The following TTN variants were observed in gnomAD, a reference collection of about 807,000 sequenced individuals.
TTN encodes titin.
Under a neutral mutation model 3,223.0 loss-of-function variants are expected in TTN, and 1,525 were observed. The ratio of observed to expected loss-of-function variants is 0.47; its 90% confidence interval spans 0.45 to 0.49. The LOEUF is 0.49. TTN is among the 20% of genes least tolerant of loss of function. The pLI, the probability that TTN is intolerant of heterozygous loss-of-function variation, is 0.00. For missense variants in TTN, 40,786 were observed against 43,424.0 expected (o/e 0.94, Z 5.40); for synonymous variants, 14,094 against 15,161.0 (o/e 0.93, Z 5.17).
Position 178,576,737 on chromosome 2 carries a change from G to C in TTN, c.69507C>G (p.Ser23169Arg). 6.2e-7 allele frequency: 1 copy of C among 1,613,344 alleles called. No homozygotes were observed. Among genetic ancestry groups the C allele is most frequent in the Non-Finnish European group, 8.5e-7 (1 of 1,179,584 alleles). The change falls in exon 325 of 363, where the codon AGC (serine) becomes AGG (arginine). Residue 23169 changes from serine (S) to arginine (R), a missense_variant. Coordinates refer to ENST00000589042, the MANE Select transcript of TTN (RefSeq NM_001267550.2). This position sits in a 1 kb window ranked among gnomAD's most constrained non-coding sequence, Gnocchi z 4.3. ...SWKRPVDDGG[S>R]EITGYHVERR... The stretch of plus-strand genomic sequence containing the variant: ...TTTCTACATGATATCCTGTAATTTC[G>C]CTGCCACCATCATCCACTGGCCTTT...
In TTN at chr2:178,733,415, T is replaced by G; in HGVS notation, c.15878A>C (p.Lys5293Thr). The G allele has an allele frequency of 6.2e-7, 1 of 1,613,830 alleles. No homozygotes were observed. The highest frequency in any genetic ancestry group is 8.5e-7 in the Non-Finnish European group (1 of 1,179,782). ...TVAGTPELKP[K>T]WYKDGRPLVA... is the part of the protein sequence containing the mutation. ...CAAGGGTCTCCCATCTTTGTACCAT[T>G]TGGGCTTCAGTTCTGGCGTGCCTGC... is the stretch of plus-strand genomic sequence containing the variant. The change falls in exon 54 of 363, where the codon AAA (lysine) becomes ACA (threonine). Residue 5293 changes from lysine (K) to threonine (T), a missense_variant. Coordinates refer to ENST00000589042, the MANE Select transcript of TTN (RefSeq NM_001267550.2).
rs72646857 is a variant in TTN, at chr2:178,587,179, G to A, written c.64032C>T (p.Asn21344=). 7.0e-3 allele frequency: 11,350 copies of A among 1,613,278 alleles called. 111 individuals are homozygous for A. Among genetic ancestry groups the A allele is most frequent in the East Asian group, 0.028 (1,261 of 44,798 alleles). Residue 21344 remains asparagine (N), a synonymous_variant, in exon 307 of 363, where the codon AAC becomes AAT. Transcript: ENST00000589042. The part of the protein sequence containing the change: ...NEYYFRVTAV[N]EYGPGVPTDV... ...CTGTTGGGACGCCAGGGCCATATTC[G>A]TTGACAGCAGTTACTCTGAAGTAAT...
At chr2:178,673,094 A>G (rs2154265697) in intron 152 of TTN, among the ~76,000 whole-genome samples, 1 of 151,938 alleles carries the variant, frequency 6.6e-6, no homozygotes, top group Admixed American at 6.6e-5. Flanking sequence ...GTCTACTATG[A>G]CAGGGACAGC....
Position 178,629,426 on chromosome 2 carries a change from G to C in TTN, c.44299C>G (p.Leu14767Val). Residue 14767 changes from leucine to valine, a missense_variant, in exon 240 of 363, where the codon CTG (leucine) becomes GTG (valine). Transcript: ENST00000589042. ...ACGGTGACATCCTTTAAAGGCCTCA[G>C]AAGACCAATTACTCGTGCTTTTCGA... ...LRVKPRVIGL[L>V]RPLKDVTVTA... The C allele has an allele frequency of 6.2e-7, 1 of 1,612,934 alleles. No homozygotes were observed. The highest frequency in any genetic ancestry group is 1.3e-5 in the African/African-American group (1 of 74,970).
chr2:178,586,442 C>T (rs1180723279), intron 308 of TTN, 63 bp downstream of exon 308: 2 of 1,573,218 alleles, frequency 1.3e-6, no homozygotes, highest in Non-Finnish European at 1.7e-6. Flanking sequence ...GAAATGTCTA[C>T]ATATAAAAGA....
At position 178,634,625 on chromosome 2, in the gene TTN, G is replaced by A. The variant is rs76815324; in HGVS notation, c.42156C>T (p.Ile14052=). 1,864 of 1,612,772 alleles carry A rather than the reference G, an allele frequency of 1.2e-3. 22 individuals are homozygous for A. The African/African-American group carries it at 0.022, about 19-fold the overall frequency. ...TCAGGGGCACAGCAAAGTCAAGTTC[G>A]ATTTCTGAAAATCAGACATTAAGAA... is the stretch of plus-strand genomic sequence containing the variant. The part of the protein sequence containing the change: ...ITTAILTVKE[I]ELDFAVPLKD... The change falls in exon 230 of 363, where the codon ATC becomes ATT. Residue 14052 remains isoleucine (I), a synonymous_variant. Transcript: ENST00000589042. This position sits in a 1 kb window ranked among gnomAD's most constrained non-coding sequence, Gnocchi z 4.6.
chr2:178,546,162 G>A (rs1286433413), intron 342 of TTN, 46 bp from the exon 343 acceptor site: 51 of 1,587,354 alleles, frequency 3.2e-5, no homozygotes, highest in Non-Finnish European at 4.2e-5. Context: ...CATTCTTTCT[G>A]CCCACACTGG....
At chr2:178,659,599 CA>C (rs1273897984) in intron 180 of TTN, among the ~76,000 whole-genome samples, 2 of 146,946 alleles carry the variant, frequency 1.4e-5, no homozygotes, top group African/African-American at 2.5e-5. Flanking sequence ...ACTGAATGGG[CA>C]AAAACTGGAA....
rs1463313042 is a variant in TTN at position 178,617,779 on chromosome 2, C to T, written c.47572G>A (p.Glu15858Lys). Residue 15858 changes from glutamate to lysine, a missense_variant and splice_region_variant, in exon 253 of 363, where the codon GAG (glutamate) becomes AAG (lysine). Coordinates refer to ENST00000589042, the MANE Select transcript of TTN (RefSeq NM_001267550.2). ...TATTTCCCTTTTTTGATGGGCTTAC[C>T]AATTGGATCAGCAACTTTGACGAAG... ...TPFVKVADPI[E>K]RPSPPVNLTS... is the part of the protein sequence containing the mutation. The T allele has an allele frequency of 6.2e-7, 1 of 1,611,658 alleles. No homozygotes were observed. The highest frequency in any genetic ancestry group is 1.3e-5 in the African/African-American group (1 of 74,696).
chr2:178,691,090 G>T (rs894042908), intron 121 of TTN, among the ~76,000 whole-genome samples: 2 of 152,258 alleles, frequency 1.3e-5, no homozygotes, highest in East Asian at 1.9e-4. Flanking sequence ...ATAATCAAAA[G>T]AATTTTGAAA....
In TTN at chr2:178,599,080, T is replaced by G; in HGVS notation, c.56648-18A>C. The G allele has an allele frequency of 6.6e-7, 1 of 1,523,136 alleles. No individual in the cohort carries two copies. Among genetic ancestry groups the G allele is most frequent in the Non-Finnish European group, 8.8e-7 (1 of 1,140,240 alleles). 94.4% of individuals were successfully genotyped at this position (1,523,136 alleles called of 1,614,324 possible). A position where few individuals can be genotyped will look rare whatever the true frequency, so the allele number is the denominator to read the frequency against. ...AGGGACAGCTGTGAAAAAGATCATA[T>G]TGATTATAAGAAATTTAAAAAAAAA... On this transcript the variant is annotated intron_variant, in intron 290 of 362. Transcript: ENST00000589042.
In TTN at chr2:178,607,151, A is replaced by G; in HGVS notation, c.53451T>C (p.Thr17817=). 6.2e-7 allele frequency: 1 copy of G among 1,612,970 alleles called. No individual in the cohort carries two copies. Among genetic ancestry groups the G allele is most frequent in the Non-Finnish European group, 8.5e-7 (1 of 1,179,284 alleles). The change falls in exon 278 of 363, where the codon ACT becomes ACC. Residue 17817 remains threonine (T), a synonymous_variant. Coordinates refer to ENST00000589042, the MANE Select transcript of TTN (RefSeq NM_001267550.2). ...CTGTGATGTCACATTTAGATCTCTC[A>G]GTCTCTATTGGTTGTCTCCAAGTAT... ...KMHTWRQPIE[T]ERSKCDITGL...
chr2:178,782,473 C>T (rs774872452), intron 19 of TTN, 46 bp from the exon 20 acceptor site: 11 of 1,613,550 alleles, frequency 6.8e-6, no homozygotes, highest in East Asian at 4.5e-5. Context: ...TTGCAATTTG[C>T]CAATACTGGT....
chr2:178,615,756 T>C lies in TTN; in HGVS notation c.48345A>G (p.Thr16115=). ...VMDFVTDLEF[T]VPDLVQGKEY... is the part of the protein sequence containing the mutation. ...CTTTTCCTTGAACAAGATCAGGAAC[T>C]GTGAATTCTAGATCAGTCACAAAGT... The change falls in exon 258 of 363, where the codon ACA becomes ACG. Residue 16115 remains threonine, a synonymous_variant. Transcript: ENST00000589042. 2 of 1,612,020 alleles carry C rather than the reference T, an allele frequency of 1.2e-6. No individual in the cohort carries two copies. Among genetic ancestry groups the C allele is most frequent in the Non-Finnish European group, 8.5e-7 (1 of 1,178,760 alleles).
intron 47 of TTN, chr2:178,745,491 C>G (rs981541732): frequency 3.0e-5 from 47 of 1,550,018 alleles, no homozygotes; most frequent in Non-Finnish European, 2.6e-6. Context: ...ATATGGTGGA[C>G]CTGTTTGGAA....
At position 178,777,410 on chromosome 2, in the gene TTN, C is replaced by T; in HGVS notation, c.4645+10G>A. ...GAAAATTCATTTATTTTTATTTTAT[C>T]TCATTTTACCTTCCACAGTTAAAAT... On this transcript the variant is annotated intron_variant, in intron 26 of 362. Coordinates refer to ENST00000589042, the MANE Select transcript of TTN (RefSeq NM_001267550.2). 1 of 1,612,576 alleles carries T rather than the reference C, an allele frequency of 6.2e-7. No individual in the cohort carries two copies. The highest frequency in any genetic ancestry group is 8.5e-7 in the Non-Finnish European group (1 of 1,179,314).
Position 178,658,160 on chromosome 2 carries a change from TG to T in TTN, c.37712-4del. The T allele has an allele frequency of 6.4e-7, 1 of 1,569,656 alleles. No individual in the cohort carries two copies. The highest frequency in any genetic ancestry group is 8.5e-7 in the Non-Finnish European group (1 of 1,169,612). On this transcript the variant is annotated splice_region_variant and splice_polypyrimidine_tract_variant and intron_variant, in intron 185 of 362. Coordinates refer to ENST00000589042, the MANE Select transcript of TTN (RefSeq NM_001267550.2). ...GGCTTCTTGAGGAACTTCTGGCACT[TG>T]AAAGATATTAGTAGTTTTATACTTA...
In TTN at chr2:178,539,481, C is replaced by T. The variant is rs1693326100; in HGVS notation, c.98584G>A (p.Glu32862Lys). The T allele has an allele frequency of 3.1e-6, 5 of 1,613,828 alleles. No homozygotes were observed. Among genetic ancestry groups the T allele is most frequent in the Non-Finnish European group, 4.2e-6 (5 of 1,179,796 alleles). ...ACACGGAAATGGTATTCTACATTCT[C>T]TTTGAGGCCTTTTACCACCAGAGAT... Reference protein sequence around the residue: ...GTSLVVKGLKENVEYHFRVSA... With the variant: ...GTSLVVKGLKKNVEYHFRVSA... The change falls in exon 352 of 363, where the codon GAG (glutamate) becomes AAG (lysine). Residue 32862 changes from glutamate (E) to lysine (K), a missense_variant. Physicochemically the swap from Glu to Lys is moderately conservative, Grantham distance 56. Transcript: ENST00000589042.
rs1383961338 is a variant in TTN, at chr2:178,709,630, C to T, written c.28689G>A (p.Leu9563=). ...VRKAGMNDAG[L]YTCKVSNDAG... is the part of the protein sequence containing the mutation. ...CATCATTGGACACTTTGCATGTGTA[C>T]AAACCAGCGTCGTTCATGCCTGCTT... The change falls in exon 99 of 363, where the codon TTG becomes TTA. Residue 9563 remains leucine (L), a synonymous_variant. Coordinates refer to ENST00000589042, the MANE Select transcript of TTN (RefSeq NM_001267550.2). 9.9e-6 allele frequency: 16 copies of T among 1,613,904 alleles called. No individual in the cohort carries two copies. The highest frequency in any genetic ancestry group is 1.4e-5 in the Non-Finnish European group (16 of 1,179,828).
Sources: allele counts gnomAD v4.1 joint callset (sites outside exome capture counted in the v4.1 genomes callset), GRCh38; gene constraint gnomAD v4.1.1; non-coding constraint Gnocchi (gnomAD v3.1); transcripts MANE v1.5; gene names NCBI Gene and HGNC (gene_info 2026-07-23, HGNC 2026-07-21).